Variants in MARF1 observed in about 807,000 individuals in gnomAD.
The protein encoded by MARF1 is limkain-b1.
A neutral mutation model predicts 168.2 loss-of-function variants in MARF1; 24 were observed. The ratio of observed to expected loss-of-function variants is 0.14; its 90% confidence interval spans 0.10 to 0.20. The LOEUF (loss-of-function observed/expected upper bound fraction) is 0.20, where lower values mean the gene tolerates loss of function less well. Among genes scored for constraint, MARF1 ranks in the 10% least tolerant of loss-of-function variants. The probability of loss-of-function intolerance (pLI) is 1.00; values close to 1 mark genes in which losing one functional copy is unlikely to be tolerated. For synonymous variants in MARF1, 868 were observed against 822.4 expected, an observed-to-expected ratio of 1.06 and a Z score of -0.95; for missense variants, 1,744 against 2,143.6, an observed-to-expected ratio of 0.81 and a Z score of 3.68.
At chr16:15,630,824 A>C (rs1333107393) in intron 6 of MARF1, among the ~76,000 whole-genome samples, 2 of 151,402 alleles carry the variant, frequency 1.3e-5, no homozygotes, top group Non-Finnish European at 2.9e-5. Flanking sequence ...AAAAAATCAC[A>C]TTTTTCTTTA....
In MARF1 at chr16:15,617,505, T is replaced by C. The variant is rs766504089; in HGVS notation, c.2751A>G (p.Leu917=). The part of the protein sequence containing the change: ...KFGHKLNVSD[L]YKLTDTVAIR... ...TTGCGACCGTGTCTGTTAATTTATA[T>C]AGATCTGACACATTCAACTTGTGTC... The change falls in exon 14 of 27, where the codon CTA becomes CTG. Residue 917 remains leucine (L), a synonymous_variant. Coordinates refer to ENST00000396368, the MANE Select transcript of MARF1 (RefSeq NM_014647.4). The C allele has an allele frequency of 4.3e-6, 7 of 1,613,374 alleles. No individual in the cohort carries two copies. Among genetic ancestry groups the C allele is most frequent in the Admixed American group, 1.7e-5 (1 of 60,008 alleles).
intron 22 of MARF1, among the ~76,000 whole-genome samples, chr16:15,603,594 C>G (rs1249032079): frequency 6.6e-6 from 1 of 152,080 alleles, no homozygotes; most frequent in Non-Finnish European, 1.5e-5. Flanking sequence ...CTTTTATAGT[C>G]TCTTTTATGG....
chr16:15,615,271 C>T (rs369175011), intron 16 of MARF1, among the ~76,000 whole-genome samples: 2 of 151,932 alleles, frequency 1.3e-5, no homozygotes, highest in East Asian at 1.9e-4. Flanking sequence ...CATAGTGGGA[C>T]GACATCTTCA....
intron 21 of MARF1, among the ~76,000 whole-genome samples, chr16:15,607,951 C>T (rs1160330886): frequency 1.3e-5 from 2 of 152,224 alleles, no homozygotes; most frequent in East Asian, 3.8e-4. Flanking sequence ...AAAACTCACA[C>T]TGGAAGGAGT....
At chr16:15,611,316 G>A (rs1270981563) in intron 18 of MARF1, among the ~76,000 whole-genome samples, 3 of 152,032 alleles carry the variant, frequency 2.0e-5, no homozygotes, top group South Asian at 2.1e-4. Flanking sequence ...AAAATAAGCC[G>A]GGTGTGGTGG....
intron 21 of MARF1, 70 bp from the exon 22 acceptor site, chr16:15,604,468 C>A (rs2032829116): frequency 9.2e-7 from 1 of 1,092,468 alleles, no homozygotes; most frequent in Non-Finnish European, 1.4e-6. Flanking sequence ...CAACTCAGCT[C>A]ACTTCATTTT....
intron 16 of MARF1, among the ~76,000 whole-genome samples, chr16:15,615,413 C>G (rs1374105794): frequency 6.6e-6 from 1 of 152,030 alleles, no homozygotes; most frequent in Admixed American, 6.6e-5. Context: ...ATAATGAGGT[C>G]AAGAGATCAA....
At chr16:15,610,078 C>A (rs546702396) in intron 19 of MARF1, among the ~76,000 whole-genome samples, 4 of 152,272 alleles carry the variant, frequency 2.6e-5, no homozygotes, top group Admixed American at 2.0e-4. Flanking sequence ...AGCAAGTACT[C>A]TAGAAATTAT....
chr16:15,622,926 A>T lies in MARF1; in HGVS notation c.2460+8T>A. ...ATAACAAAGCAAGCACAAGAGGGAA[A>T]AAGTTACCTTGCCATGCCTGGCAAA... On this transcript the variant is annotated splice_region_variant and intron_variant, in intron 11 of 26. Coordinates refer to ENST00000396368, the MANE Select transcript of MARF1 (RefSeq NM_014647.4). 6.4e-7 allele frequency: 1 copy of T among 1,563,084 alleles called. No individual in the cohort carries two copies. The highest frequency in any genetic ancestry group is 8.7e-7 in the Non-Finnish European group (1 of 1,144,828).
intron 23 of MARF1, chr16:15,601,318 C>T (rs1448012894): frequency 3.0e-6 from 1 of 337,856 alleles, no homozygotes; most frequent in Non-Finnish European, 5.8e-6. Context: ...CTGACCCAGA[C>T]CTCTGCAGTG....
chr16:15,615,368 G>GTAA (rs1887427165), intron 16 of MARF1, among the ~76,000 whole-genome samples: 1 of 152,130 alleles, frequency 6.6e-6, no homozygotes, highest in Non-Finnish European at 1.5e-5. Flanking sequence ...GCTCAGGCCT[G>GTAA]TAATCCCAGC....
chr16:15,598,753 G>T, intron 26 of MARF1, 101 bp downstream of exon 26: 1 of 1,153,772 alleles, frequency 8.7e-7, no homozygotes, highest in South Asian at 1.4e-5. Flanking sequence ...CCTGAAAAGG[G>T]GTAGTCCCTT....
chr16:15,617,056 A>G lies in MARF1; in HGVS notation c.3073T>C (p.Leu1025=), dbSNP rs777844329. 16 of 1,611,748 alleles carry G rather than the reference A, an allele frequency of 9.9e-6. No individual in the cohort carries two copies. The highest frequency in any genetic ancestry group is 1.4e-5 in the Non-Finnish European group (16 of 1,179,486). Reference sequence around the variant, plus strand: ...AAAGGCTTTGAGATGGTTCACCTCAATAAAGGCACGGTGCCCTCGTGGGTC... The same window carrying G: ...AAAGGCTTTGAGATGGTTCACCTCAGTAAAGGCACGGTGCCCTCGTGGGTC... The part of the protein sequence containing the change: ...LQTHEGTVPL[L]SFPDCYIAEF... Residue 1025 remains leucine (L), a synonymous_variant, in exon 15 of 27, where the codon TTG becomes CTG. Coordinates refer to ENST00000396368, the MANE Select transcript of MARF1 (RefSeq NM_014647.4).
intron 2 of MARF1, among the ~76,000 whole-genome samples, chr16:15,637,219 T>C (rs1032346604): frequency 3.3e-5 from 5 of 152,154 alleles, no homozygotes; most frequent in African/African-American, 4.8e-5. Flanking sequence ...ATAGAGCACA[T>C]AGACCACCTG....
chr16:15,636,623 C>G (rs2035616059), intron 2 of MARF1, among the ~76,000 whole-genome samples: 2 of 152,184 alleles, frequency 1.3e-5, no homozygotes, highest in African/African-American at 4.8e-5. Context: ...TTAGCAGCCA[C>G]CATGCCTCAG....
At chr16:15,633,867 A>T (rs752013809) in intron 4 of MARF1, 24 bp from the exon 5 acceptor site, 6 of 1,556,698 alleles carry the variant, frequency 3.9e-6, no homozygotes, top group Middle Eastern at 1.7e-4. Flanking sequence ...AACATTTTCA[A>T]TTACTTGTAG....
rs553250171 is a variant in MARF1, at chr16:15,601,935, A to G, written c.4626+56T>C. 1.0e-5 allele frequency: 14 copies of G among 1,396,308 alleles called. No individual in the cohort carries two copies. In the African/African-American group the frequency reaches 1.6e-4, roughly 16 times the overall value. The allele number at this position is 1,396,308 out of a possible 1,614,324, so 86.5% of individuals were successfully genotyped here. A position where few individuals can be genotyped will look rare whatever the true frequency, so the allele number is the denominator to read the frequency against. On this transcript the variant is annotated intron_variant, in intron 23 of 26. Transcript: ENST00000396368. ...AGCATTTTATTTTTCTGTTCAGGAC[A>G]GTTAGCCTGTGGCTGTTCAGAAGAT...
At position 15,598,957 on chromosome 16, in the gene MARF1, C is replaced by A. The variant is rs758070811; in HGVS notation, c.4881G>T (p.Ala1627=). 9.3e-6 allele frequency: 15 copies of A among 1,613,116 alleles called. No homozygotes were observed. Among genetic ancestry groups the A allele is most frequent in the African/African-American group, 1.3e-5 (1 of 74,770 alleles). The part of the protein sequence containing the change: ...TDDSPVDLLC[A]PVPSCLPSPQ... ...GGGACGGCAGGCACGAGGGGACAGGCGCACACAGGAGGTCGACGGGGGAGT... is the reference window on the plus strand; with the variant it reads ...GGGACGGCAGGCACGAGGGGACAGGAGCACACAGGAGGTCGACGGGGGAGT... The change falls in exon 26 of 27, where the codon GCG becomes GCT. Residue 1627 remains alanine, a synonymous_variant. Transcript: ENST00000396368.
At chr16:15,602,635 A>AG (rs61282123) in intron 22 of MARF1, 3 of 458,890 alleles carry the variant, frequency 6.5e-6, no homozygotes, top group Middle Eastern at 3.2e-4. Flanking sequence ...GGAAAGAAGG[A>AG]AGAGGAGAAA....
Sources: allele counts gnomAD v4.1 joint callset (sites outside exome capture counted in the v4.1 genomes callset), GRCh38; gene constraint gnomAD v4.1.1; transcripts MANE v1.5; gene names NCBI Gene and HGNC (gene_info 2026-07-23, HGNC 2026-07-21).